The following FER1L6 variants were observed in gnomAD, a reference collection of about 807,000 sequenced individuals.
The protein encoded by FER1L6 is fer-1-like protein 6.
In FER1L6, 177 loss-of-function variants were observed where a neutral mutation model predicts 219.2. The observed-to-expected ratio is 0.81, with a 90% confidence interval of 0.71 to 0.91. The LOEUF (loss-of-function observed/expected upper bound fraction) is 0.91, where lower values mean the gene tolerates loss of function less well. FER1L6 is among the 40% of genes least tolerant of loss of function. The pLI is 0.00. For synonymous variants in FER1L6, 768 were observed against 824.3 expected (o/e 0.93, Z 1.17); for missense variants, 2,153 against 2,259.9 (o/e 0.95, Z 0.96).
At chr8:123,998,461 C>G (rs560909996) in intron 12 of FER1L6, among the ~76,000 whole-genome samples, 1 of 145,442 alleles carries the variant, frequency 6.9e-6, no homozygotes, top group South Asian at 2.2e-4. Flanking sequence ...AGGGGTGACA[C>G]AAGCACTTCT....
At chr8:123,938,773 C>A (rs1356223499) in intron 1 of FER1L6, among the ~76,000 whole-genome samples, 2 of 151,982 alleles carry the variant, frequency 1.3e-5, no homozygotes, top group South Asian at 2.1e-4. Flanking sequence ...GCCTCAAACT[C>A]CTGAGCTCAA....
intron 29 of FER1L6, 26 bp downstream of exon 29, chr8:124,069,501 C>T: frequency 6.5e-7 from 1 of 1,534,408 alleles, no homozygotes; most frequent in Non-Finnish European, 8.9e-7. Flanking sequence ...GGCATCTCTG[C>T]CATGGATGGG....
chr8:123,950,650 CTGTT>C (rs1814719115), intron 1 of FER1L6, among the ~76,000 whole-genome samples: 1 of 152,310 alleles, frequency 6.6e-6, no homozygotes, highest in East Asian at 1.9e-4. Context: ...TTCTCAATCA[CTGTT>C]TGTTGAGTTG....
chr8:124,100,986 T>C, intron 37 of FER1L6, 111 bp from the exon 38 acceptor site: 1 of 1,031,032 alleles, frequency 9.7e-7, no homozygotes, highest in Non-Finnish European at 1.4e-6. Flanking sequence ...ATTATAATGA[T>C]TTTTAAACTA....
At chr8:124,118,550 G>C (rs192829212) in intron 39 of FER1L6, among the ~76,000 whole-genome samples, 2 of 152,288 alleles carry the variant, frequency 1.3e-5, no homozygotes, top group Non-Finnish European at 2.9e-5. Flanking sequence ...TTTTTCAGAT[G>C]TCAAGTGTTT....
intron 1 of FER1L6, among the ~76,000 whole-genome samples, chr8:123,929,186 C>A (rs4871436): frequency 2.0e-5 from 3 of 151,966 alleles, no homozygotes; most frequent in Admixed American, 6.5e-5. Context: ...TTATGTGATT[C>A]TTTGATTCAT....
intron 1 of FER1L6, among the ~76,000 whole-genome samples, chr8:123,910,467 C>T (rs1388374805): frequency 6.6e-6 from 1 of 152,208 alleles, no homozygotes; most frequent in Non-Finnish European, 1.5e-5. Context: ...AACCATCTTT[C>T]AGTCCCATCC....
At chr8:124,070,874 C>T (rs755116724) in intron 30 of FER1L6, among the ~76,000 whole-genome samples, 1 of 152,122 alleles carries the variant, frequency 6.6e-6, no homozygotes, top group Non-Finnish European at 1.5e-5. Context: ...CTCTCCCCTC[C>T]GGCATACCAA....
chr8:123,877,930 A>G (rs1817033836), intron 1 of FER1L6, among the ~76,000 whole-genome samples: 1 of 152,162 alleles, frequency 6.6e-6, no homozygotes, highest in Non-Finnish European at 1.5e-5. Flanking sequence ...AATACAAGGA[A>G]AAAAGGGGTG....
intron 12 of FER1L6, among the ~76,000 whole-genome samples, chr8:123,996,474 T>C (rs1382455327): frequency 1.3e-5 from 2 of 152,160 alleles, no homozygotes; most frequent in African/African-American, 4.8e-5. Context: ...TTGTTTCCAT[T>C]TACATGGAAT....
intron 1 of FER1L6, among the ~76,000 whole-genome samples, chr8:123,917,184 C>A (rs369746932): frequency 6.6e-6 from 1 of 152,230 alleles, no homozygotes; most frequent in Non-Finnish European, 1.5e-5. Context: ...TTTACCCACT[C>A]ACTCATTTAT....
At chr8:124,093,564 A>G (rs1279540532) in intron 34 of FER1L6, among the ~76,000 whole-genome samples, 8 of 152,084 alleles carry the variant, frequency 5.3e-5, no homozygotes, top group African/African-American at 1.7e-4. Flanking sequence ...TGATATATTG[A>G]GAAAAATATT....
intron 39 of FER1L6, 62 bp downstream of exon 39, chr8:124,103,371 CTG>C: frequency 6.6e-7 from 1 of 1,522,234 alleles, no homozygotes; most frequent in Non-Finnish European, 9.0e-7. Context: ...TGCTTTTCCA[CTG>C]AGTCATTTTG....
At position 123,973,529 on chromosome 8, in the gene FER1L6, T is replaced by C. The variant is rs1304378307; in HGVS notation, c.526+17T>C. The C allele has an allele frequency of 6.3e-7, 1 of 1,587,258 alleles. No individual in the cohort carries two copies. Among genetic ancestry groups the C allele is most frequent in the Non-Finnish European group, 8.7e-7 (1 of 1,155,652 alleles). On this transcript the variant is annotated intron_variant, in intron 7 of 40. Coordinates refer to ENST00000522917, the MANE Select transcript of FER1L6 (RefSeq NM_001039112.2). ...ACCAACCTGGTAAGAAAACATCACC[T>C]CCCCATCTGTATCTCACTTGTCTTT...
chr8:123,908,673 G>A (rs975332501), intron 1 of FER1L6, among the ~76,000 whole-genome samples: 7 of 152,186 alleles, frequency 4.6e-5, no homozygotes, highest in East Asian at 1.9e-4. Context: ...ACACACAGAT[G>A]AATAAGATTG....
At chr8:123,863,829 C>A (rs1369229152) in intron 1 of FER1L6, among the ~76,000 whole-genome samples, 7 of 150,648 alleles carry the variant, frequency 4.6e-5, no homozygotes, top group Non-Finnish European at 7.4e-5. Flanking sequence ...TTTCCATTTG[C>A]TTGGTAGATC....
intron 12 of FER1L6, among the ~76,000 whole-genome samples, chr8:123,993,601 A>C (rs920028225): frequency 6.6e-6 from 1 of 152,152 alleles, no homozygotes; most frequent in Admixed American, 6.5e-5. Flanking sequence ...CCACCAGCAG[A>C]AAGTTCTGGG....
chr8:123,908,108 T>A (rs1812986223), intron 1 of FER1L6, among the ~76,000 whole-genome samples: 1 of 152,106 alleles, frequency 6.6e-6, no homozygotes, highest in African/African-American at 2.4e-5. Flanking sequence ...TAAAAAACAT[T>A]AAAAGGTTAT....
Position 123,899,283 on chromosome 8 carries a change from G to T in FER1L6, c.-8+47098G>T, listed in dbSNP as rs1201989873. Among the ~76,000 whole-genome samples the T allele has an allele frequency of 5.3e-5, 8 of 152,036 alleles. No individual in the cohort carries two copies. The East Asian group carries it at 9.6e-4, about 18-fold the overall frequency. ...GATTTCAGCATTTTTTCATGTGTTT[G>T]TTGGCCATTTGTATATCTTTTTTTG... On this transcript the variant is annotated intron_variant, in intron 1 of 40. Transcript: ENST00000522917.
Sources: gnomAD v4.1 joint callset for allele counts (sites outside exome capture counted in the v4.1 genomes callset) on GRCh38, gnomAD v4.1.1 for gene constraint, MANE v1.5 for transcripts, NCBI Gene and HGNC (gene_info 2026-07-23, HGNC 2026-07-21) for gene names.